Variants in EPHA6 observed in about 807,000 individuals in gnomAD.
EPHA6 encodes EPH receptor A6.
EPHA6 carries 50 observed loss-of-function variants against 112.0 expected under a neutral mutation model. That is an observed-to-expected ratio of 0.45 (90% confidence interval 0.36 to 0.56). EPHA6 has a LOEUF of 0.56. EPHA6 is among the 20% of genes least tolerant of loss of function. The probability of loss-of-function intolerance (pLI) is 0.00; values close to 1 mark genes in which losing one functional copy is unlikely to be tolerated. For missense variants in EPHA6, 1,280 were observed against 1,417.4 expected, an observed-to-expected ratio of 0.90 and a Z score of 1.56; for synonymous variants, 529 against 490.7, an observed-to-expected ratio of 1.08 and a Z score of -1.03.
chr3:96,901,798 T>A (rs1295447576), intron 2 of EPHA6, among the ~76,000 whole-genome samples: 1 of 152,168 alleles, frequency 6.6e-6, no homozygotes, highest in Non-Finnish European at 1.5e-5. Context: ...TTGCCACTAC[T>A]CTCCTTCAAA....
chr3:97,011,158 T>C (rs2044071597), intron 3 of EPHA6, among the ~76,000 whole-genome samples: 1 of 152,146 alleles, frequency 6.6e-6, no homozygotes, highest in Non-Finnish European at 1.5e-5. Flanking sequence ...CAGACTCAAG[T>C]CTGAAAAATC....
intron 3 of EPHA6, among the ~76,000 whole-genome samples, chr3:96,988,823 A>G (rs1167697003): frequency 6.6e-6 from 1 of 152,142 alleles, no homozygotes; most frequent in Non-Finnish European, 1.5e-5. Flanking sequence ...TACCTTTCAC[A>G]TTGTTTTAAC....
intron 2 of EPHA6, among the ~76,000 whole-genome samples, chr3:96,926,491 A>G (rs2040042303): frequency 6.6e-6 from 1 of 152,194 alleles, no homozygotes; most frequent in Admixed American, 6.5e-5. Flanking sequence ...GCATTAACCT[A>G]AATGTCCAAT....
chr3:97,448,977 C>T lies in EPHA6; in HGVS notation c.1894+247C>T, dbSNP rs149068000. On this transcript the variant is annotated intron_variant, in intron 7 of 17. Coordinates refer to ENST00000389672, the MANE Select transcript of EPHA6 (RefSeq NM_001080448.3). ...GGCCCTTTATGCTATTACACAGAGT[C>T]TCTGTGGATGCCTAATAGTTCACCA... Among the ~76,000 whole-genome samples the T allele has an allele frequency of 3.0e-3, 451 of 152,236 alleles. 3 individuals are homozygous for T. The highest frequency in any genetic ancestry group is 0.01 in the African/African-American group (431 of 41,544).
At chr3:97,235,358 C>T (rs1283934506) in intron 4 of EPHA6, among the ~76,000 whole-genome samples, 1 of 152,046 alleles carries the variant, frequency 6.6e-6, no homozygotes, top group Non-Finnish European at 1.5e-5. Context: ...CTTATCAAGC[C>T]TAGCTTTTGT....
chr3:96,877,915 A>G (rs183295807), intron 2 of EPHA6, among the ~76,000 whole-genome samples: 75 of 126,400 alleles, frequency 5.9e-4, no homozygotes, highest in African/African-American at 1.8e-3. Flanking sequence ...GTGTGTGTGT[A>G]TATATATATA....
chr3:96,816,691 A>T (rs2032813230), intron 1 of EPHA6, among the ~76,000 whole-genome samples: 1 of 152,044 alleles, frequency 6.6e-6, no homozygotes, highest in African/African-American at 2.4e-5. Flanking sequence ...AATACCTATG[A>T]TGCATCAGTA....
At chr3:97,394,983 A>G (rs772951514) in intron 5 of EPHA6, among the ~76,000 whole-genome samples, 84 of 151,708 alleles carry the variant, frequency 5.5e-4, no homozygotes, top group Non-Finnish European at 9.7e-4. Context: ...TGAATTTTTA[A>G]CTTAATAAAA....
rs575345939 is a variant in EPHA6, at chr3:97,566,013, C to T, written c.2387-26599C>T. Among the ~76,000 whole-genome samples, 9 of 133,648 alleles carry T rather than the reference C, an allele frequency of 6.7e-5. No homozygotes were observed. The South Asian group carries it at 1.1e-3, about 17-fold the overall frequency. 87.7% of individuals were successfully genotyped at this position (133,648 alleles called of 152,430 possible). A position where few individuals can be genotyped will look rare whatever the true frequency, so the allele number is the denominator to read the frequency against. On this transcript the variant is annotated intron_variant, in intron 11 of 17. Coordinates refer to ENST00000389672, the MANE Select transcript of EPHA6 (RefSeq NM_001080448.3). ...CCAGGCCGGCAACAGAGCGAGACAC[C>T]GTCTCAAAAAAAAAAAAAAAAAGGA...
rs76636906 is a variant in EPHA6 at position 97,750,821 on chromosome 3, T to A, written c.*2120T>A. On this transcript the variant is annotated 3_prime_UTR_variant, in exon 18 of 18. Coordinates refer to ENST00000389672, the MANE Select transcript of EPHA6 (RefSeq NM_001080448.3). ...CTAGAAGGAAGAGTCTTTAGATGTT[T>A]CTTAAAATATACAAAAAAAGGTAGG... Among the ~76,000 whole-genome samples, 34 of 152,300 alleles carry A rather than the reference T, an allele frequency of 2.2e-4. No individual in the cohort carries two copies. The East Asian group carries it at 6.2e-3, about 28-fold the overall frequency.
chr3:97,405,924 C>A (rs1288182553), intron 6 of EPHA6, among the ~76,000 whole-genome samples: 1 of 151,976 alleles, frequency 6.6e-6, no homozygotes, highest in Non-Finnish European at 1.5e-5. Flanking sequence ...GTTCTTTATG[C>A]ATTTTTCTCT....
chr3:96,838,620 A>G (rs2034558570), intron 1 of EPHA6, among the ~76,000 whole-genome samples: 1 of 152,088 alleles, frequency 6.6e-6, no homozygotes, highest in Non-Finnish European at 1.5e-5. Flanking sequence ...ATTCAAATGT[A>G]TATTTTAATA....
At chr3:97,471,211 A>G (rs2091219927) in intron 7 of EPHA6, among the ~76,000 whole-genome samples, 1 of 151,772 alleles carries the variant, frequency 6.6e-6, no homozygotes, top group Admixed American at 6.6e-5. Flanking sequence ...GGAGGTGATC[A>G]TCCTGTTCCT....
At chr3:97,337,089 C>A (rs13086820) in intron 5 of EPHA6, among the ~76,000 whole-genome samples, 13,711 of 152,014 alleles carry the variant, frequency 0.09, 830 homozygotes, top group South Asian at 0.14. Flanking sequence ...CATTTAAAAT[C>A]TTTTATAAAA....
intron 3 of EPHA6, among the ~76,000 whole-genome samples, chr3:97,115,572 A>T (rs999435919): frequency 6.6e-6 from 1 of 151,822 alleles, no homozygotes; most frequent in African/African-American, 2.4e-5. Flanking sequence ...GTAACTCAGC[A>T]TCATAAATAT....
At position 96,815,106 on chromosome 3, in the gene EPHA6, G is replaced by T. The variant is rs928798364; in HGVS notation, c.385+98G>T. 194 of 1,221,410 alleles carry T rather than the reference G, an allele frequency of 1.6e-4. 3 individuals are homozygous for T. In the East Asian group the frequency reaches 4.7e-3, roughly 29 times the overall value. The allele number at this position is 1,221,410 out of a possible 1,614,324, so 75.7% of individuals were successfully genotyped here. A position where few individuals can be genotyped will look rare whatever the true frequency, so the allele number is the denominator to read the frequency against. ...CTCCTGCAGGTAACTTTGTACAGGG[G>T]TCAGAGTCTCCTGGCTCGCCACACG... is the stretch of plus-strand genomic sequence containing the variant. On this transcript the variant is annotated intron_variant, in intron 1 of 17. Coordinates refer to ENST00000389672, the MANE Select transcript of EPHA6 (RefSeq NM_001080448.3).
intron 5 of EPHA6, among the ~76,000 whole-genome samples, chr3:97,274,867 C>T (rs971244498): frequency 2.0e-5 from 3 of 152,094 alleles, no homozygotes; most frequent in African/African-American, 7.2e-5. Context: ...GATTGAAGTC[C>T]AGGCCAGGAA....
intron 2 of EPHA6, among the ~76,000 whole-genome samples, chr3:96,894,388 A>G (rs573930678): frequency 2.6e-5 from 4 of 152,194 alleles, no homozygotes; most frequent in African/African-American, 9.6e-5. Flanking sequence ...CTTCATTTCA[A>G]TAACAAAATC....
At chr3:96,983,521 A>G (rs1256148439) in intron 2 of EPHA6, among the ~76,000 whole-genome samples, 1 of 152,026 alleles carries the variant, frequency 6.6e-6, no homozygotes, top group Admixed American at 6.5e-5. Context: ...GAATCTGACA[A>G]TTATGTGTCT....
Sources: gnomAD v4.1 joint callset for allele counts (sites outside exome capture counted in the v4.1 genomes callset) on GRCh38, gnomAD v4.1.1 for gene constraint, MANE v1.5 for transcripts, NCBI Gene and HGNC (gene_info 2026-07-23, HGNC 2026-07-21) for gene names.